SPIN1: variants seen among roughly 807,000 people sequenced by gnomAD.
SPIN1 encodes spindlin 1.
A neutral mutation model predicts 26.0 loss-of-function variants in SPIN1; 3 were observed. That is an observed-to-expected ratio of 0.12 (90% CI 0.05 to 0.30). The LOEUF (loss-of-function observed/expected upper bound fraction) is 0.30, where lower values mean the gene tolerates loss of function less well. SPIN1 is among the 10% of genes least tolerant of loss of function. The pLI is 1.00. For synonymous variants in SPIN1, 101 were observed against 116.5 expected (o/e 0.87, Z 0.86); for missense variants, 126 against 333.4 (o/e 0.38, Z 4.84).
At chr9:88,441,414 T>TGTGTGTGTGTGTGTGTGTGTGCGCGC in intron 2 of SPIN1, among the ~76,000 whole-genome samples, 1 of 141,202 alleles carries the variant, frequency 7.1e-6, no homozygotes, top group African/African-American at 2.9e-5. Flanking sequence ...TGTGTGTGTG[T>TGTGTGTGTGTGTGTGTGTGTGCGCGC]GCGCGCGCGC....
intron 4 of SPIN1, among the ~76,000 whole-genome samples, chr9:88,465,486 A>G (rs549214706): frequency 6.6e-6 from 1 of 152,180 alleles, no homozygotes; most frequent in South Asian, 2.1e-4. Context: ...CATAGTGGTC[A>G]TCCTGATGGG....
chr9:88,463,689 A>G (rs2118196308), intron 4 of SPIN1, among the ~76,000 whole-genome samples: 1 of 152,332 alleles, frequency 6.6e-6, no homozygotes, highest in African/African-American at 2.4e-5. Flanking sequence ...TAGATATCAA[A>G]TGCTAAATCC....
chr9:88,434,340 A>G (rs997197673), intron 2 of SPIN1, among the ~76,000 whole-genome samples: 1 of 117,622 alleles, frequency 8.5e-6, no homozygotes. Flanking sequence ...CAAATTATAA[A>G]ATAGTTTATT....
At chr9:88,458,030 G>A in intron 3 of SPIN1, 1 of 964,422 alleles carries the variant, frequency 1.0e-6, no homozygotes, top group South Asian at 4.8e-5. Context: ...GCTTTGGCTG[G>A]GGGATGAAAA....
chr9:88,436,923 C>T (rs897072007), intron 2 of SPIN1, among the ~76,000 whole-genome samples: 1 of 151,692 alleles, frequency 6.6e-6, no homozygotes, highest in African/African-American at 2.4e-5. Flanking sequence ...CGCCACTACG[C>T]CCGGCTATTT....
At chr9:88,473,800 A>G (rs929299286) in intron 5 of SPIN1, among the ~76,000 whole-genome samples, 4 of 152,218 alleles carry the variant, frequency 2.6e-5, no homozygotes, top group Admixed American at 6.5e-5. Flanking sequence ...CTGAGTTACT[A>G]TAAAATTCAC....
chr9:88,394,994 G>A (rs896445135), intron 1 of SPIN1, among the ~76,000 whole-genome samples: 19 of 151,748 alleles, frequency 1.3e-4, no homozygotes, highest in Non-Finnish European at 2.5e-4. Flanking sequence ...ATTTTTAGTA[G>A]AGACGGGGTT....
At chr9:88,461,287 G>C (rs1172181468) in intron 3 of SPIN1, among the ~76,000 whole-genome samples, 1 of 152,162 alleles carries the variant, frequency 6.6e-6, no homozygotes, top group East Asian at 1.9e-4. Context: ...GGCTTAGGCA[G>C]ACCTGGGTTT....
chr9:88,455,177 G>T (rs1021599085), intron 3 of SPIN1, among the ~76,000 whole-genome samples: 2 of 152,132 alleles, frequency 1.3e-5, no homozygotes, highest in Admixed American at 6.5e-5. Context: ...ATTAAAAATT[G>T]TGTTCTGCCG....
chr9:88,475,303 T>C lies in SPIN1; in HGVS notation c.*26T>C. On this transcript the variant is annotated 3_prime_UTR_variant, in exon 6 of 6. Coordinates refer to ENST00000375859, the MANE Select transcript of SPIN1 (RefSeq NM_006717.3). The stretch of plus-strand genomic sequence containing the variant: ...ATGTCATCACAAACTCTGCCAAATT[T>C]GTGGAACTATGAAATGTATTATTTG... 6.2e-7 allele frequency: 1 copy of C among 1,601,518 alleles called. No homozygotes were observed. The highest frequency in any genetic ancestry group is 1.1e-5 in the South Asian group (1 of 90,284).
chr9:88,402,681 T>C (rs1019866459), intron 1 of SPIN1, among the ~76,000 whole-genome samples: 2 of 152,222 alleles, frequency 1.3e-5, no homozygotes, highest in African/African-American at 4.8e-5. Context: ...TGTGTATACA[T>C]GCCACGTTTT....
Position 88,468,895 on chromosome 9 carries a change from A to G in SPIN1, c.589+290A>G, listed in dbSNP as rs72757711. Reference sequence around the variant, plus strand: ...TGCTTTTATTTAAAAACATGATGGAATAGGGATCAGTAAAATACGTCCCCG... The same window carrying G: ...TGCTTTTATTTAAAAACATGATGGAGTAGGGATCAGTAAAATACGTCCCCG... On this transcript the variant is annotated intron_variant, in intron 5 of 5. Coordinates refer to ENST00000375859, the MANE Select transcript of SPIN1 (RefSeq NM_006717.3). 0.095 allele frequency among the ~76,000 whole-genome samples: 14,386 copies of G among 152,226 alleles called. 899 individuals are homozygous for G. The highest frequency in any genetic ancestry group is 0.19 in the South Asian group (898 of 4,812).
chr9:88,411,251 G>T, intron 1 of SPIN1: 2 of 1,142,150 alleles, frequency 1.8e-6, no homozygotes, highest in Non-Finnish European at 2.6e-6. Flanking sequence ...TGCATTCATG[G>T]CTGCATCCTC....
intron 5 of SPIN1, among the ~76,000 whole-genome samples, chr9:88,469,368 ACTG>A (rs1828733739): frequency 6.6e-6 from 1 of 152,154 alleles, no homozygotes; most frequent in African/African-American, 2.4e-5. Context: ...AAAACGATTG[ACTG>A]CTAACTTTTC....
At chr9:88,429,871 A>G (rs1031259953) in intron 2 of SPIN1, among the ~76,000 whole-genome samples, 3 of 152,160 alleles carry the variant, frequency 2.0e-5, no homozygotes, top group Admixed American at 2.0e-4. Flanking sequence ...TCCCATTAGC[A>G]TACAGAAGAC....
chr9:88,416,545 A>ATGC (rs1232023606), intron 1 of SPIN1: 6 of 152,310 alleles, frequency 3.9e-5, no homozygotes, highest in African/African-American at 1.4e-4. Context: ...AACCCTTGTG[A>ATGC]TGCTGCTGCT....
In SPIN1 at chr9:88,462,618, C is replaced by G; in HGVS notation, c.224C>G (p.Thr75Ser). The G allele has an allele frequency of 6.2e-7, 1 of 1,614,122 alleles. No homozygotes were observed. Among genetic ancestry groups the G allele is most frequent in the Non-Finnish European group, 8.5e-7 (1 of 1,180,014 alleles). Reference sequence around the variant, plus strand: ...GGCCCTGTTACCCAGTGGAAAGGAACCGTTCTGGACCAGGTGCCTGTAAAT... The same window carrying G: ...GGCCCTGTTACCCAGTGGAAAGGAAGCGTTCTGGACCAGGTGCCTGTAAAT... ...GNGPVTQWKG[T>S]VLDQVPVNPS... The change falls in exon 4 of 6, where the codon ACC becomes AGC. Residue 75 changes from threonine to serine, a missense_variant. By Grantham distance (58) the Thr-to-Ser change is moderately conservative (BLOSUM62 1). This residue lies in a region of SPIN1 where 63 missense variants were observed against 101.3 expected (regional missense o/e 0.62). Coordinates refer to ENST00000375859, the MANE Select transcript of SPIN1 (RefSeq NM_006717.3).
Position 88,476,594 on chromosome 9 carries a change from C to G in SPIN1, c.*1317C>G, listed in dbSNP as rs1307757186. On this transcript the variant is annotated 3_prime_UTR_variant, in exon 6 of 6. Transcript: ENST00000375859. The stretch of plus-strand genomic sequence containing the variant: ...TGAAGCGTTACCATAGAAGAGCCAG[C>G]CGTTTGTGTTCGCTTGGTAGGTGTA... 1.3e-5 allele frequency: 2 copies of G among 152,196 alleles called. No homozygotes were observed. Among genetic ancestry groups the G allele is most frequent in the African/African-American group, 4.8e-5 (2 of 41,438 alleles). 9.4% of individuals were successfully genotyped at this position (152,196 alleles called of 1,614,324 possible). A position where few individuals can be genotyped will look rare whatever the true frequency, so the allele number is the denominator to read the frequency against.
chr9:88,441,326 C>G (rs1828118594), intron 2 of SPIN1, among the ~76,000 whole-genome samples: 3 of 151,238 alleles, frequency 2.0e-5, no homozygotes, highest in Admixed American at 1.3e-4. Context: ...GAACCAGTCC[C>G]CCGTAGATAT....
Sources: gnomAD v4.1 joint callset for allele counts (sites outside exome capture counted in the v4.1 genomes callset) on GRCh38, gnomAD v4.1.1 for gene constraint, gnomAD v4.1.1 regional missense constraint, MANE v1.5 for transcripts, NCBI Gene and HGNC (gene_info 2026-07-23, HGNC 2026-07-21) for gene names.